CPED1: variants seen among roughly 807,000 people sequenced by gnomAD.
CPED1 encodes cadherin like and PC-esterase domain containing 1, also known as cadherin-like and PC-esterase domain-containing protein 1.
CPED1 carries 114 observed loss-of-function variants against 128.2 expected under a neutral mutation model. The ratio of observed to expected loss-of-function variants is 0.89; its 90% CI spans 0.76 to 1.04. The LOEUF (loss-of-function observed/expected upper bound fraction) is 1.04, where lower values mean the gene tolerates loss of function less well. Ranked by LOEUF, CPED1 falls within the 50% of genes least tolerant of loss-of-function variation. The pLI is 0.00. For missense variants in CPED1, 1,211 were observed against 1,207.1 expected (o/e 1.00, Z -0.05); for synonymous variants, 462 against 426.7 (o/e 1.08, Z -1.02).
intron 2 of CPED1, among the ~76,000 whole-genome samples, chr7:121,014,311 G>A (rs1014896716): frequency 1.3e-5 from 2 of 152,160 alleles, no homozygotes; most frequent in African/African-American, 4.8e-5. Context: ...CCAGCACTTC[G>A]GGAGGCCGAG....
At chr7:121,032,730 A>G (rs1022686220) in intron 3 of CPED1, among the ~76,000 whole-genome samples, 2 of 152,156 alleles carry the variant, frequency 1.3e-5, no homozygotes, top group African/African-American at 4.8e-5. Context: ...AAAAAAGGAA[A>G]AAAAAAACAA....
At chr7:121,052,704 T>C (rs1793389926) in intron 4 of CPED1, among the ~76,000 whole-genome samples, 1 of 152,164 alleles carries the variant, frequency 6.6e-6, no homozygotes, top group African/African-American at 2.4e-5. Flanking sequence ...TATGCTGATA[T>C]TCTCTTTTAA....
intron 5 of CPED1, among the ~76,000 whole-genome samples, 154 bp downstream of exon 5, chr7:121,064,467 A>G (rs944865272): frequency 5.3e-5 from 8 of 152,182 alleles, no homozygotes; most frequent in Admixed American, 4.6e-4. Context: ...CGCTTTGCCA[A>G]TGAAAAGACC....
At chr7:121,067,803 A>T (rs1470965494) in intron 5 of CPED1, among the ~76,000 whole-genome samples, 1 of 152,148 alleles carries the variant, frequency 6.6e-6, no homozygotes, top group Non-Finnish European at 1.5e-5. Context: ...AATGATGGCC[A>T]TTCTAACTGG....
At chr7:121,047,717 T>TCTTCTTCTTCTTC (rs1276119777) in intron 4 of CPED1, among the ~76,000 whole-genome samples, 12 of 88,966 alleles carry the variant, frequency 1.3e-4, no homozygotes, top group East Asian at 5.8e-4. Context: ...TTCTTCTTCT[T>TCTTCTTCTTCTTC]TTTTTTTTTT....
chr7:121,184,633 C>T (rs1176656910), intron 16 of CPED1, among the ~76,000 whole-genome samples: 1 of 152,046 alleles, frequency 6.6e-6, no homozygotes, highest in Non-Finnish European at 1.5e-5. Context: ...CTGAGTTATA[C>T]TCTGTGTACA....
At chr7:121,213,818 A>G (rs1194206068) in intron 16 of CPED1, among the ~76,000 whole-genome samples, 1 of 151,970 alleles carries the variant, frequency 6.6e-6, no homozygotes, top group African/African-American at 2.4e-5. Flanking sequence ...TAATGTTAAC[A>G]TCTTGCATGA....
chr7:121,138,141 A>T (rs1795823855), intron 14 of CPED1, among the ~76,000 whole-genome samples: 1 of 152,226 alleles, frequency 6.6e-6, no homozygotes, highest in Non-Finnish European at 1.5e-5. Flanking sequence ...GCCTCAGAAC[A>T]GGTGGGATTA....
At chr7:121,270,010 G>C (rs1400382447) in intron 21 of CPED1, among the ~76,000 whole-genome samples, 1 of 151,984 alleles carries the variant, frequency 6.6e-6, no homozygotes. Flanking sequence ...GAGAAGGAGA[G>C]AGAGGCGGGA....
At chr7:121,167,932 A>G (rs1796570685) in intron 16 of CPED1, among the ~76,000 whole-genome samples, 1 of 151,714 alleles carries the variant, frequency 6.6e-6, no homozygotes, top group African/African-American at 2.4e-5. Flanking sequence ...ATGGGGTTTC[A>G]CCGTGTTAGC....
chr7:121,026,944 C>G (rs1018077423), intron 3 of CPED1, among the ~76,000 whole-genome samples: 27 of 151,118 alleles, frequency 1.8e-4, no homozygotes, highest in African/African-American at 6.3e-4. Context: ...GATCCTCCCA[C>G]CTCAATCCCT....
chr7:121,079,814 T>C (rs991797222), intron 5 of CPED1, among the ~76,000 whole-genome samples: 1 of 152,258 alleles, frequency 6.6e-6, no homozygotes, highest in Non-Finnish European at 1.5e-5. Context: ...TCTATACTTA[T>C]GTTGTCCTGT....
chr7:120,994,881 T>C (rs1346410754), intron 2 of CPED1, among the ~76,000 whole-genome samples: 3 of 152,114 alleles, frequency 2.0e-5, no homozygotes, highest in Non-Finnish European at 2.9e-5. Context: ...TGGAGTAGAA[T>C]TGAAGGCAGG....
intron 16 of CPED1, among the ~76,000 whole-genome samples, chr7:121,188,367 G>T (rs929026695): frequency 2.0e-5 from 3 of 152,134 alleles, no homozygotes; most frequent in Non-Finnish European, 2.9e-5. Flanking sequence ...ATAAGCACAT[G>T]ATAGAGAATG....
At chr7:121,215,913 A>G (rs986733806) in intron 16 of CPED1, among the ~76,000 whole-genome samples, 1 of 151,948 alleles carries the variant, frequency 6.6e-6, no homozygotes, top group Non-Finnish European at 1.5e-5. Flanking sequence ...AATGACAGTA[A>G]TGGCAATAAT....
intron 3 of CPED1, among the ~76,000 whole-genome samples, chr7:121,018,035 G>A (rs1205059823): frequency 1.3e-5 from 2 of 152,106 alleles, no homozygotes; most frequent in Admixed American, 1.3e-4. Flanking sequence ...TCTCAAGAAA[G>A]GGTAGCAATT....
chr7:121,173,612 A>G (rs1006993592), intron 16 of CPED1, among the ~76,000 whole-genome samples: 6 of 152,132 alleles, frequency 3.9e-5, no homozygotes, highest in African/African-American at 1.4e-4. Context: ...TATATATACT[A>G]CATTTTCTTC....
intron 16 of CPED1, among the ~76,000 whole-genome samples, chr7:121,160,295 A>G (rs1796385000): frequency 6.6e-6 from 1 of 152,140 alleles, no homozygotes; most frequent in African/African-American, 2.4e-5. Flanking sequence ...TGAAGGTTGT[A>G]TGAGTACAGT....
intron 16 of CPED1, among the ~76,000 whole-genome samples, chr7:121,206,802 C>T (rs1196699499): frequency 6.6e-6 from 1 of 151,846 alleles, no homozygotes; most frequent in African/African-American, 2.4e-5. Flanking sequence ...AATCCCACCA[C>T]TTAAAAAAAA....
Sources: allele counts gnomAD v4.1 joint callset (sites outside exome capture counted in the v4.1 genomes callset), GRCh38; gene constraint gnomAD v4.1.1; transcripts MANE v1.5; gene names NCBI Gene and HGNC (gene_info 2026-07-23, HGNC 2026-07-21).